BTD: variants seen among roughly 807,000 people sequenced by gnomAD.
The protein encoded by BTD is biocytinase.
BTD carries 13 observed loss-of-function variants against 17.7 expected under a neutral mutation model. That is an observed-to-expected ratio of 0.74 (90% CI 0.48 to 1.17). BTD has a LOEUF of 1.17. Ranked by LOEUF, BTD falls within the 50% of genes most tolerant of loss-of-function variation. The pLI is 0.00. For missense variants in BTD, 674 were observed against 650.4 expected (o/e 1.04, Z -0.39); for synonymous variants, 240 against 245.2 (o/e 0.98, Z 0.20).
chr3:15,694,655 A>T (rs549499084), intron 3 of BTD: 11 of 1,165,672 alleles, frequency 9.4e-6, no homozygotes, highest in Admixed American at 9.2e-5. Flanking sequence ...AGTTTATGGT[A>T]CTAGTTTGAG....
At position 15,650,125 on chromosome 3, in the gene BTD, GCTTACAAAATCTGCT is replaced by G. The variant is rs1159477071; in HGVS notation, c.*4640_*4654del. On this transcript the variant is annotated 3_prime_UTR_variant, in exon 4 of 4. Transcript: ENST00000643237. ...CAGCGTTCAGCATGGCACTGTCTTG[GCTTACAAAATCTGCT>G]CTATGCTTGCTGACTGCTGAATGAA... Among the ~76,000 whole-genome samples the G allele has an allele frequency of 6.6e-6, 1 of 152,178 alleles. No homozygotes were observed. Among genetic ancestry groups the G allele is most frequent in the East Asian group, 1.9e-4 (1 of 5,194 alleles).
At chr3:15,694,631 T>C in intron 3 of BTD, 1 of 823,970 alleles carries the variant, frequency 1.2e-6, no homozygotes, top group Non-Finnish European at 1.9e-6. Flanking sequence ...ATGATAACTA[T>C]TACATGGACC....
At chr3:15,665,314 T>C (rs1201910883) in intron 3 of BTD, among the ~76,000 whole-genome samples, 3 of 152,188 alleles carry the variant, frequency 2.0e-5, no homozygotes, top group Non-Finnish European at 4.4e-5. Flanking sequence ...CAGATTAGGT[T>C]GTGCTTTGAA....
intron 3 of BTD, among the ~76,000 whole-genome samples, chr3:15,708,866 TTC>T (rs1227154006): frequency 6.6e-6 from 1 of 152,192 alleles, no homozygotes; most frequent in African/African-American, 2.4e-5. Flanking sequence ...TTGACATATA[TTC>T]ACACATTTTC....
At position 15,645,126 on chromosome 3, in the gene BTD, T is replaced by C. The variant is rs755461739; in HGVS notation, c.1210T>C (p.Cys404Arg). 6.2e-7 allele frequency: 1 copy of C among 1,614,214 alleles called. No homozygotes were observed. Among genetic ancestry groups the C allele is most frequent in the South Asian group, 1.1e-5 (1 of 91,084 alleles). The change falls in exon 4 of 4, where the codon TGT becomes CGT. Residue 404 changes from cysteine (C) to arginine (R), a missense_variant. Coordinates refer to ENST00000643237, the MANE Select transcript of BTD (RefSeq NM_001370658.1). ...CCACGTCTGTTCCAATGGCCTCTGC[T>C]GTTATTTACTTTACGAGAGGCCCAC... Reference protein sequence around the residue: ...YLHVCSNGLCCYLLYERPTLS... With the variant: ...YLHVCSNGLCRYLLYERPTLS...
downstream of BTD, chr3:15,714,639 G>A: frequency 1.3e-6 from 2 of 1,594,574 alleles, no homozygotes; most frequent in Non-Finnish European, 1.7e-6. Context: ...TGTGTAGTGG[G>A]GTTTTCCCAT....
chr3:15,711,309 A>G (rs747762571), exon 4 of BTD: 8 of 1,535,700 alleles, frequency 5.2e-6, no homozygotes, highest in Non-Finnish European at 6.3e-6. Flanking sequence ...TATAACAGAC[A>G]TATTATTTTA....
intron 1 of BTD, among the ~76,000 whole-genome samples, chr3:15,614,071 CAT>C (rs534325206): frequency 1.1e-3 from 169 of 150,346 alleles, no homozygotes; most frequent in Non-Finnish European, 2.2e-3. Flanking sequence ...TACCTTCAAA[CAT>C]GTGTAATGTG....
At chr3:15,614,032 T>C (rs2064715166) in intron 1 of BTD, among the ~76,000 whole-genome samples, 1 of 152,046 alleles carries the variant, frequency 6.6e-6, no homozygotes, top group Admixed American at 6.5e-5. Flanking sequence ...TGGATTTCTG[T>C]ATTTTATTAT....
Position 15,652,827 on chromosome 3 carries a change from A to G in BTD, c.*7339A>G, listed in dbSNP as rs2065826631. ...TATATATCAAGTGCTATTAGTGGCTATTATTTGTTGGGTTACACAAAGCCA... is the reference window on the plus strand; with the variant it reads ...TATATATCAAGTGCTATTAGTGGCTGTTATTTGTTGGGTTACACAAAGCCA... On this transcript the variant is annotated 3_prime_UTR_variant, in exon 4 of 4. Transcript: ENST00000643237. Among the ~76,000 whole-genome samples, 1 of 152,122 alleles carries G rather than the reference A, an allele frequency of 6.6e-6. No individual in the cohort carries two copies. Among genetic ancestry groups the G allele is most frequent in the African/African-American group, 2.4e-5 (1 of 41,432 alleles).
rs769903360 is a variant in BTD at position 15,644,958 on chromosome 3, G to A, written c.1042G>A (p.Asp348Asn). 2.2e-5 allele frequency: 35 copies of A among 1,614,030 alleles called. No individual in the cohort carries two copies. Among genetic ancestry groups the A allele is most frequent in the Middle Eastern group, 1.6e-4 (1 of 6,084 alleles). The change falls in exon 4 of 4, where the codon GAT (aspartate) becomes AAT (asparagine). Residue 348 changes from aspartate (D) to asparagine (N), a missense_variant. Physicochemically the swap from Asp to Asn is conservative, Grantham distance 23. Transcript: ENST00000643237. ...HSKFLKILSGDPYCEKDAQEV... is the reference protein window; with the variant it reads ...HSKFLKILSGNPYCEKDAQEV... ...TAAGTTTTTAAAAATTTTGTCAGGC[G>A]ATCCGTACTGTGAGAAGGATGCTCA... is the stretch of plus-strand genomic sequence containing the variant.
At chr3:15,709,487 G>A (rs952346392) in intron 3 of BTD, among the ~76,000 whole-genome samples, 8 of 152,176 alleles carry the variant, frequency 5.3e-5, no homozygotes, top group Non-Finnish European at 8.8e-5. Context: ...AGGGACTCAA[G>A]AAGAAAACTG....
At chr3:15,656,894 A>G (rs1045242445), downstream of BTD, among the ~76,000 whole-genome samples, 5 of 152,196 alleles carry the variant, frequency 3.3e-5, no homozygotes, top group African/African-American at 4.8e-5. Flanking sequence ...AATGGCTTGA[A>G]CAGCCATTTT....
rs756051380 is a variant in BTD, at chr3:15,635,527, G to A, written c.88G>A (p.Ala30Thr). ...AGCCCACACCGGGGAGGAGAGCGTG[G>A]CTGACCATCACGAGGCTGAATATTA... ...LGAHTGEESV[A>T]DHHEAEYYVA... Residue 30 changes from alanine to threonine, a missense_variant, in exon 2 of 4, where the codon GCT becomes ACT. By Grantham distance (58) the Ala-to-Thr change is moderately conservative. Transcript: ENST00000643237. The surrounding 1 kb of genome is among the most constrained non-coding windows in gnomAD (Gnocchi z 4.1). The A allele has an allele frequency of 1.9e-6, 3 of 1,614,192 alleles. No individual in the cohort carries two copies. Among genetic ancestry groups the A allele is most frequent in the South Asian group, 2.2e-5 (2 of 91,084 alleles).
At chr3:15,601,424 C>A (rs778335742), upstream of BTD, 4 of 1,613,888 alleles carry the variant, frequency 2.5e-6, no homozygotes, top group African/African-American at 2.7e-5. Flanking sequence ...GCACCAGACA[C>A]CTGCTCCTCG....
chr3:15,634,603 G>A (rs1334271276), intron 1 of BTD, among the ~76,000 whole-genome samples: 1 of 152,154 alleles, frequency 6.6e-6, no homozygotes, highest in Admixed American at 6.5e-5. Flanking sequence ...TTACTCTCTG[G>A]AAATTTGTAG....
At chr3:15,719,941 G>A (rs2073518186) in intron 4 of BTD, among the ~76,000 whole-genome samples, 1 of 152,062 alleles carries the variant, frequency 6.6e-6, no homozygotes, top group African/African-American at 2.4e-5. Flanking sequence ...CATGATCTCA[G>A]CTCACTGCAG....
intron 1 of BTD, chr3:15,602,385 A>G (rs1255814136): frequency 1.1e-6 from 1 of 926,348 alleles, no homozygotes; most frequent in Admixed American, 5.3e-5. Context: ...TTCCAAAATT[A>G]GGAACTATGG....
intron 1 of BTD, among the ~76,000 whole-genome samples, chr3:15,623,735 T>C (rs1162702778): frequency 6.6e-6 from 1 of 152,140 alleles, no homozygotes; most frequent in East Asian, 1.9e-4. Flanking sequence ...CATGATAGAG[T>C]TCTCATGAGA....
Sources: gnomAD v4.1 joint callset for allele counts (sites outside exome capture counted in the v4.1 genomes callset) on GRCh38, gnomAD v4.1.1 for gene constraint, Gnocchi (gnomAD v3.1) non-coding constraint, MANE v1.5 for transcripts, NCBI Gene and HGNC (gene_info 2026-07-23, HGNC 2026-07-21) for gene names.